The following KCNIP4 variants were observed in gnomAD, a reference collection of about 807,000 sequenced individuals.
KCNIP4 encodes the protein potassium voltage-gated channel interacting protein 4, also known as Kv channel-interacting protein 4.
Under a neutral mutation model 34.0 loss-of-function variants are expected in KCNIP4, and 12 were observed. That is an observed-to-expected ratio of 0.35 (90% CI 0.23 to 0.57). The LOEUF is 0.57. KCNIP4 is among the 20% of genes least tolerant of loss of function. The pLI, the probability that KCNIP4 is intolerant of heterozygous loss-of-function variation, is 0.83. For synonymous variants in KCNIP4, 124 were observed against 102.2 expected (o/e 1.21, Z -1.29); for missense variants, 238 against 311.7 (o/e 0.76, Z 1.78).
At chr4:21,757,099 A>AAAGAAAGAAAG (rs1717584042) in intron 1 of KCNIP4, among the ~76,000 whole-genome samples, 1 of 109,794 alleles carries the variant, frequency 9.1e-6, no homozygotes, top group Admixed American at 1.2e-4. Flanking sequence ...CTGTCTCAAA[A>AAAGAAAGAAAG]AAAGAAAGAA....
intron 1 of KCNIP4, among the ~76,000 whole-genome samples, chr4:21,716,073 C>A (rs972814719): frequency 6.6e-6 from 1 of 152,106 alleles, no homozygotes; most frequent in African/African-American, 2.4e-5. Context: ...CATTAAAAAG[C>A]CTCTTTTATC....
intron 1 of KCNIP4, among the ~76,000 whole-genome samples, chr4:21,552,213 A>G (rs548737408): frequency 1.3e-5 from 2 of 152,124 alleles, no homozygotes; most frequent in South Asian, 2.1e-4. Context: ...ATTCATTTGG[A>G]AAAAAATGCA....
chr4:21,562,981 T>C (rs1200629725), intron 1 of KCNIP4, among the ~76,000 whole-genome samples: 1 of 152,066 alleles, frequency 6.6e-6, no homozygotes, highest in East Asian at 1.9e-4. Flanking sequence ...ACAAGGGTAA[T>C]GCATTTAAAA....
chr4:21,171,735 G>C (rs949480779), intron 1 of KCNIP4, among the ~76,000 whole-genome samples: 5 of 152,152 alleles, frequency 3.3e-5, no homozygotes, highest in African/African-American at 1.2e-4. Flanking sequence ...GTCATAGTTA[G>C]CTCCATGTTG....
intron 1 of KCNIP4, among the ~76,000 whole-genome samples, chr4:21,269,704 T>C (rs1328014236): frequency 6.6e-6 from 1 of 152,106 alleles, no homozygotes; most frequent in Non-Finnish European, 1.5e-5. Context: ...CCAGCTTCAT[T>C]TTAGAGTGCT....
chr4:21,582,217 G>A (rs1741287959), intron 1 of KCNIP4: 1 of 151,962 alleles, frequency 6.6e-6, no homozygotes, highest in Non-Finnish European at 1.5e-5. Context: ...TTACTTACTA[G>A]GTAATATTCA....
intron 1 of KCNIP4, among the ~76,000 whole-genome samples, chr4:21,773,759 G>T (rs199733741): frequency 0.019 from 1,119 of 57,702 alleles, 25 homozygotes; most frequent in African/African-American, 0.084. Context: ...TTTTTTTTTT[G>T]TTTGTTTGTT....
intron 1 of KCNIP4, among the ~76,000 whole-genome samples, chr4:21,702,555 A>T (rs1039910786): frequency 1.3e-5 from 2 of 152,204 alleles, no homozygotes; most frequent in African/African-American, 4.8e-5. Flanking sequence ...AAGATTAAAT[A>T]GATAATTTGA....
chr4:20,735,374 G>T (rs1749330831), intron 5 of KCNIP4, among the ~76,000 whole-genome samples: 1 of 151,982 alleles, frequency 6.6e-6, no homozygotes, highest in Admixed American at 6.6e-5. Context: ...ATTTTATGAG[G>T]ATTAAAAAAG....
chr4:21,553,374 A>G (rs1192967757), intron 1 of KCNIP4, among the ~76,000 whole-genome samples: 1 of 152,140 alleles, frequency 6.6e-6, no homozygotes, highest in Non-Finnish European at 1.5e-5. Flanking sequence ...GTATAAAAAT[A>G]CCGGCTGTAA....
At chr4:21,411,225 G>A (rs2109588886) in intron 1 of KCNIP4, among the ~76,000 whole-genome samples, 1 of 152,276 alleles carries the variant, frequency 6.6e-6, no homozygotes, top group South Asian at 2.1e-4. Context: ...TTGTGTTGAT[G>A]TAAACTGAAC....
intron 1 of KCNIP4, among the ~76,000 whole-genome samples, chr4:21,169,170 G>GTTT (rs1753831114): frequency 6.6e-6 from 1 of 152,210 alleles, no homozygotes; most frequent in African/African-American, 2.4e-5. Flanking sequence ...TGTTGTTGTT[G>GTTT]TTGTTGCTGA....
chr4:21,258,718 C>T (rs1331913415), intron 1 of KCNIP4, among the ~76,000 whole-genome samples: 2 of 152,072 alleles, frequency 1.3e-5, no homozygotes, highest in African/African-American at 2.4e-5. Context: ...CTGATTCTTG[C>T]CAATGTTATC....
chr4:21,443,526 AC>A (rs1373070025), intron 1 of KCNIP4, among the ~76,000 whole-genome samples: 1 of 152,232 alleles, frequency 6.6e-6, no homozygotes, highest in African/African-American at 2.4e-5. Context: ...GGTCGACTAT[AC>A]CCAATCAATT....
chr4:21,364,923 G>A (rs1251522684), intron 1 of KCNIP4, among the ~76,000 whole-genome samples: 2 of 152,146 alleles, frequency 1.3e-5, no homozygotes, highest in African/African-American at 4.8e-5. Flanking sequence ...AAAGGACATT[G>A]CAAGTGAATA....
chr4:21,486,915 G>A lies in KCNIP4; in HGVS notation c.61+461656C>T, dbSNP rs1731972525. On this transcript the variant is annotated intron_variant, in intron 1 of 8. Transcript: ENST00000382152. ...CATCTCCTGGGCTCAAGTGATCCTC[G>A]GTCTCCTGAGTAGCTGGGACTACAG... Among the ~76,000 whole-genome samples the A allele has an allele frequency of 2.6e-5, 4 of 151,348 alleles. No individual in the cohort carries two copies. The South Asian group carries it at 6.2e-4, about 24-fold the overall frequency.
chr4:20,759,737 T>G (rs1044334979), intron 3 of KCNIP4, among the ~76,000 whole-genome samples: 4 of 152,216 alleles, frequency 2.6e-5, no homozygotes, highest in Non-Finnish European at 5.9e-5. Context: ...CCCCAATCTC[T>G]GGAAATTCCT....
chr4:21,317,163 G>A (rs1713851747), intron 1 of KCNIP4, among the ~76,000 whole-genome samples: 1 of 152,098 alleles, frequency 6.6e-6, no homozygotes, highest in Non-Finnish European at 1.5e-5. Flanking sequence ...CAACTGGTAT[G>A]GAGTATCAAG....
chr4:20,820,836 C>T (rs923040778), intron 3 of KCNIP4, among the ~76,000 whole-genome samples: 21 of 152,200 alleles, frequency 1.4e-4, no homozygotes, highest in Non-Finnish European at 1.5e-5. Flanking sequence ...TCTTTGGCTG[C>T]TCCAGCATGG....
Sources: allele counts gnomAD v4.1 joint callset (sites outside exome capture counted in the v4.1 genomes callset), GRCh38; gene constraint gnomAD v4.1.1; transcripts MANE v1.5; gene names NCBI Gene and HGNC (gene_info 2026-07-23, HGNC 2026-07-21).